Variants in DMD observed in about 807,000 individuals in gnomAD.
DMD encodes the protein dystrophin.
In DMD, 63 loss-of-function variants were observed where a neutral mutation model predicts 330.1. The observed-to-expected ratio is 0.19, with a 90% CI of 0.16 to 0.24. The LOEUF is 0.24. Ranked by LOEUF, DMD falls within the 10% of genes least tolerant of loss-of-function variation. The probability of loss-of-function intolerance (pLI) is 1.00; values close to 1 mark genes in which losing one functional copy is unlikely to be tolerated. For synonymous variants in DMD, 1,223 were observed against 959.8 expected (o/e 1.27, Z -5.07); for missense variants, 3,344 against 2,684.1 (o/e 1.25, Z -5.43).
intron 53 of DMD, among the ~76,000 whole-genome samples, chrX:31,672,291 T>C (rs768974386): frequency 2.7e-5 from 3 of 112,385 alleles, no homozygotes; most frequent in East Asian, 5.6e-4. Context: ...CCTTTGAATG[T>C]AGTGAGACTT....
intron 11 of DMD, among the ~76,000 whole-genome samples, chrX:32,639,002 C>A (rs1247295228): frequency 9.0e-6 from 1 of 111,468 alleles, no homozygotes; most frequent in Non-Finnish European, 1.9e-5. Flanking sequence ...TGTATCTACC[C>A]AGATACTATT....
At chrX:33,144,536 G>A (rs1269575472) in intron 1 of DMD, among the ~76,000 whole-genome samples, 1 of 111,547 alleles carries the variant, frequency 9.0e-6, no homozygotes, top group African/African-American at 3.3e-5. Flanking sequence ...AATATCACAT[G>A]TATTTCATAA....
At chrX:31,424,025 CAT>C (rs1371894778) in intron 60 of DMD, among the ~76,000 whole-genome samples, 2 of 110,893 alleles carry the variant, frequency 1.8e-5, no homozygotes, top group Non-Finnish European at 3.8e-5. Flanking sequence ...CTGTTAGAAA[CAT>C]ATAGAAAAGA....
intron 1 of DMD, among the ~76,000 whole-genome samples, chrX:33,074,959 A>T (rs1356942628): frequency 9.0e-6 from 1 of 111,256 alleles, no homozygotes; most frequent in East Asian, 2.8e-4. Context: ...CTTCCCCAAA[A>T]CTCAACCGCG....
intron 60 of DMD, among the ~76,000 whole-genome samples, chrX:31,398,656 T>G: frequency 8.9e-6 from 1 of 111,849 alleles, no homozygotes; most frequent in Non-Finnish European, 1.9e-5. Context: ...ATTTTTTCTT[T>G]TTTAGAGATG....
At position 32,397,024 on chromosome X, in the gene DMD, T is replaced by C. The variant is rs186009213; in HGVS notation, c.4234-6843A>G. ...CTTCTGGGAAGAACAATCTCCTATG[T>C]AAAAATCACTCATAAAAAAAGACAA... On this transcript the variant is annotated intron_variant, in intron 30 of 78. Coordinates refer to ENST00000357033, the MANE Select transcript of DMD (RefSeq NM_004006.3). Among the ~76,000 whole-genome samples the C allele has an allele frequency of 6.1e-4, 68 of 111,408 alleles. No individual in the cohort carries two copies. The East Asian group carries it at 0.017, about 29-fold the overall frequency.
At chrX:31,872,515 G>A (rs1245163124) in intron 48 of DMD, among the ~76,000 whole-genome samples, 1 of 111,109 alleles carries the variant, frequency 9.0e-6, no homozygotes, top group Non-Finnish European at 1.9e-5. Flanking sequence ...TTGTACCAAG[G>A]GATTCAAAAA....
At chrX:31,506,359 A>G (rs1241767632) in intron 56 of DMD, among the ~76,000 whole-genome samples, 1 of 111,896 alleles carries the variant, frequency 8.9e-6, no homozygotes, top group East Asian at 2.8e-4. Flanking sequence ...AACTATTATT[A>G]AGTCCATTTG....
intron 4 of DMD, among the ~76,000 whole-genome samples, chrX:32,832,485 C>G (rs1169945469): frequency 9.0e-6 from 1 of 110,556 alleles, no homozygotes; most frequent in Non-Finnish European, 1.9e-5. Context: ...AAGTTCCTTC[C>G]AACATTCTAG....
intron 21 of DMD, among the ~76,000 whole-genome samples, chrX:32,474,690 C>A (rs752286334): frequency 1.8e-5 from 2 of 111,177 alleles, no homozygotes; most frequent in Non-Finnish European, 3.8e-5. Context: ...ATGTCCTTAG[C>A]CCACTTTTTG....
chrX:32,506,513 A>G (rs1466013660), intron 18 of DMD, among the ~76,000 whole-genome samples: 1 of 110,569 alleles, frequency 9.0e-6, no homozygotes, highest in African/African-American at 3.3e-5. Flanking sequence ...AGAATAAATT[A>G]AGAGTAAAAT....
At chrX:32,412,910 A>AAG in intron 29 of DMD, among the ~76,000 whole-genome samples, 1 of 110,897 alleles carries the variant, frequency 9.0e-6, no homozygotes, top group South Asian at 3.8e-4. Flanking sequence ...AATATTAGTG[A>AAG]TGTCATTATT....
chrX:31,170,888 G>C (rs1405916094), intron 73 of DMD, among the ~76,000 whole-genome samples: 1 of 111,914 alleles, frequency 8.9e-6, no homozygotes, highest in African/African-American at 3.2e-5. Context: ...TCCAAATTCT[G>C]AAGTTGTACT....
intron 62 of DMD, among the ~76,000 whole-genome samples, chrX:31,316,100 A>G (rs1444124876): frequency 8.9e-6 from 1 of 111,908 alleles, no homozygotes; most frequent in African/African-American, 3.3e-5. Flanking sequence ...GGAATCTAGA[A>G]CTCATGTTTT....
At chrX:31,841,036 G>A (rs975905207) in intron 48 of DMD, among the ~76,000 whole-genome samples, 1 of 111,971 alleles carries the variant, frequency 8.9e-6, no homozygotes, top group Admixed American at 9.5e-5. Flanking sequence ...AGCCAAGAGA[G>A]GCTGGAAGCT....
At chrX:31,445,882 G>A (rs905618816) in intron 59 of DMD, among the ~76,000 whole-genome samples, 2 of 112,081 alleles carry the variant, frequency 1.8e-5, no homozygotes, top group African/African-American at 6.5e-5. Flanking sequence ...GTTCCAATAA[G>A]CAATTTCTAA....
chrX:31,240,963 A>G (rs907475846), intron 63 of DMD, among the ~76,000 whole-genome samples: 6 of 110,889 alleles, frequency 5.4e-5, no homozygotes. Flanking sequence ...TTCATTTTTA[A>G]AGGGAACAGT....
rs190503487 is a variant in DMD, at chrX:32,886,228, C to T, written c.94-36408G>A. On this transcript the variant is annotated intron_variant, in intron 2 of 78. Coordinates refer to ENST00000357033, the MANE Select transcript of DMD (RefSeq NM_004006.3). ...TCTCAAAAGCAGGATTTTGGTTATA[C>T]CAAGTGGTTTATAAAATAGAGATAT... 1.9e-4 allele frequency among the ~76,000 whole-genome samples: 21 copies of T among 108,338 alleles called. No individual in the cohort carries two copies. The East Asian group carries it at 4.7e-3, about 24-fold the overall frequency. 94.1% of individuals were successfully genotyped at this position (108,338 alleles called of 115,157 possible). A position where few individuals can be genotyped will look rare whatever the true frequency, so the allele number is the denominator to read the frequency against.
chrX:32,896,693 C>G (rs778152482), intron 2 of DMD, among the ~76,000 whole-genome samples: 1 of 112,205 alleles, frequency 8.9e-6, no homozygotes, highest in South Asian at 3.7e-4. Flanking sequence ...CAAGGTTACC[C>G]AAGTTAAAAT....
Sources: allele counts gnomAD v4.1 joint callset (sites outside exome capture counted in the v4.1 genomes callset), GRCh38; gene constraint gnomAD v4.1.1; transcripts MANE v1.5; gene names NCBI Gene and HGNC (gene_info 2026-07-23, HGNC 2026-07-21).